The following TGFBR3 variants were observed in gnomAD, a reference collection of about 807,000 sequenced individuals.
The protein encoded by TGFBR3 is transforming growth factor beta receptor type 3.
TGFBR3 carries 46 observed loss-of-function variants against 87.9 expected under a neutral mutation model. The ratio of observed to expected loss-of-function variants is 0.52; its 90% CI spans 0.41 to 0.67. The LOEUF (loss-of-function observed/expected upper bound fraction) is 0.67, where lower values mean the gene tolerates loss of function less well. Among genes scored for constraint, TGFBR3 ranks in the 30% least tolerant of loss-of-function variants. The pLI is 0.00. For synonymous variants in TGFBR3, 381 were observed against 391.6 expected (o/e 0.97, Z 0.32); for missense variants, 866 against 1,041.9 (o/e 0.83, Z 2.32).
At chr1:91,847,852 G>A (rs753866896) in intron 2 of TGFBR3, among the ~76,000 whole-genome samples, 2 of 152,038 alleles carry the variant, frequency 1.3e-5, no homozygotes, top group African/African-American at 2.4e-5. Context: ...GACCCAACAC[G>A]AATCTCCTAC....
At chr1:91,820,159 T>C (rs543216391) in intron 2 of TGFBR3, among the ~76,000 whole-genome samples, 1 of 152,300 alleles carries the variant, frequency 6.6e-6, no homozygotes, top group Admixed American at 6.5e-5. Flanking sequence ...TAAAGACCAG[T>C]AGAAATATTT....
intron 2 of TGFBR3, among the ~76,000 whole-genome samples, chr1:91,807,650 A>G (rs1194804534): frequency 1.3e-5 from 2 of 152,220 alleles, no homozygotes; most frequent in African/African-American, 4.8e-5. Flanking sequence ...ACAAGATACC[A>G]CTATACAATC....
chr1:91,790,440 G>A (rs572120538), intron 3 of TGFBR3, among the ~76,000 whole-genome samples: 4 of 152,280 alleles, frequency 2.6e-5, no homozygotes, highest in South Asian at 2.1e-4. Context: ...TTCTCTGAAT[G>A]TGTCTCTGTC....
chr1:91,719,976 C>T lies in TGFBR3; in HGVS notation c.1330G>A (p.Val444Met), dbSNP rs770291536. Reference protein sequence around the residue: ...LFPGLREPEEVQGSVDIALSV... With the variant: ...LFPGLREPEEMQGSVDIALSV... ...AGGGCAATATCCACGCTCCCTTGCACCTCTTCTGGCTCTCTGAGACCAGGA... is the reference window on the plus strand; with the variant it reads ...AGGGCAATATCCACGCTCCCTTGCATCTCTTCTGGCTCTCTGAGACCAGGA... The change falls in exon 9 of 17, where the codon GTG (valine) becomes ATG (methionine). Residue 444 changes from valine (V) to methionine (M), a missense_variant. Val to Met is a conservative substitution (Grantham distance 21, BLOSUM62 1). Transcript: ENST00000212355. The T allele has an allele frequency of 1.6e-5, 26 of 1,614,086 alleles. No homozygotes were observed. Among genetic ancestry groups the T allele is most frequent in the Non-Finnish European group, 2.0e-5 (24 of 1,180,042 alleles).
At chr1:91,764,639 C>T (rs1056030119) in intron 3 of TGFBR3, among the ~76,000 whole-genome samples, 2 of 152,118 alleles carry the variant, frequency 1.3e-5, no homozygotes, top group East Asian at 1.9e-4. Context: ...GGTGGAGGAA[C>T]GCTGCTAGTG....
At chr1:91,893,509 C>G (rs1206074091) in intron 2 of TGFBR3, among the ~76,000 whole-genome samples, 1 of 152,178 alleles carries the variant, frequency 6.6e-6, no homozygotes, top group Non-Finnish European at 1.5e-5. Context: ...TCTTGAACTC[C>G]TGACCTCAAG....
At chr1:91,703,936 A>G (rs1163752983) in intron 14 of TGFBR3, among the ~76,000 whole-genome samples, 1 of 152,202 alleles carries the variant, frequency 6.6e-6, no homozygotes, top group Non-Finnish European at 1.5e-5. Context: ...CCTTTGGGTG[A>G]ACAGACATTT....
intron 1 of TGFBR3, among the ~76,000 whole-genome samples, chr1:91,863,058 T>A (rs548458916): frequency 6.6e-6 from 1 of 152,332 alleles, no homozygotes; most frequent in East Asian, 1.9e-4. Flanking sequence ...ATTGTAACTT[T>A]ACCTATGAGA....
intron 3 of TGFBR3, among the ~76,000 whole-genome samples, chr1:91,778,101 C>T (rs772090409): frequency 2.8e-4 from 42 of 151,620 alleles, no homozygotes; most frequent in Non-Finnish European, 5.4e-4. Flanking sequence ...AAAGCATTTT[C>T]CCAAGTATTC....
chr1:91,721,031 A>C (rs910777454), intron 8 of TGFBR3, among the ~76,000 whole-genome samples: 1 of 152,258 alleles, frequency 6.6e-6, no homozygotes, highest in Non-Finnish European at 1.5e-5. Context: ...AACTAAAAAA[A>C]TAATAATTTC....
At chr1:91,817,800 C>T (rs1317007568) in intron 2 of TGFBR3, among the ~76,000 whole-genome samples, 1 of 150,820 alleles carries the variant, frequency 6.6e-6, no homozygotes, top group Non-Finnish European at 1.5e-5. Context: ...TGACTTGGTG[C>T]GCTATGAGGC....
chr1:91,755,768 C>T (rs1362667035), intron 4 of TGFBR3, among the ~76,000 whole-genome samples: 3 of 152,160 alleles, frequency 2.0e-5, no homozygotes, highest in Non-Finnish European at 2.9e-5. Flanking sequence ...AACTGGCAGA[C>T]TGAAGAAAGA....
chr1:91,890,974 T>G (rs1052530723), upstream of TGFBR3, among the ~76,000 whole-genome samples: 1 of 151,888 alleles, frequency 6.6e-6, no homozygotes, highest in African/African-American at 2.4e-5. Flanking sequence ...CTTGGTTCAC[T>G]GCAACCTCTG....
At chr1:91,761,320 A>G (rs1198322633) in intron 3 of TGFBR3, among the ~76,000 whole-genome samples, 2 of 152,220 alleles carry the variant, frequency 1.3e-5, no homozygotes, top group Non-Finnish European at 2.9e-5. Flanking sequence ...CCTGGCTCAT[A>G]CAATCAAGGG....
intron 2 of TGFBR3, among the ~76,000 whole-genome samples, chr1:91,849,086 A>G (rs1169308792): frequency 6.6e-6 from 1 of 152,186 alleles, no homozygotes; most frequent in Non-Finnish European, 1.5e-5. Flanking sequence ...TCCTAAGCAT[A>G]TGACTCCCAA....
chr1:91,835,430 G>A (rs1334397597), intron 2 of TGFBR3, among the ~76,000 whole-genome samples: 1 of 152,194 alleles, frequency 6.6e-6, no homozygotes, highest in Non-Finnish European at 1.5e-5. Context: ...AAGAGTCAGG[G>A]ATGTTTTAAA....
At chr1:91,869,510 C>T (rs1678505808) in intron 1 of TGFBR3, among the ~76,000 whole-genome samples, 1 of 152,092 alleles carries the variant, frequency 6.6e-6, no homozygotes, top group Non-Finnish European at 1.5e-5. Context: ...ACAAGAAATA[C>T]AGAATTAGCC....
intron 2 of TGFBR3, among the ~76,000 whole-genome samples, chr1:91,858,842 G>A (rs974961489): frequency 6.6e-6 from 1 of 151,866 alleles, no homozygotes; most frequent in Admixed American, 6.6e-5. Context: ...GATCACTTGA[G>A]GTCAGGAGTT....
Position 91,765,708 on chromosome 1 carries a change from G to A in TGFBR3, c.247-6958C>T, listed in dbSNP as rs114066736. Among the ~76,000 whole-genome samples the A allele has an allele frequency of 3.9e-5, 6 of 152,300 alleles. No individual in the cohort carries two copies. In the East Asian group the frequency reaches 9.7e-4, roughly 25 times the overall value. ...ATAAAATGTAAAAAACCTTTGGAGC[G>A]TGTTTTCTTCCTTAGGGATAGATAA... On this transcript the variant is annotated intron_variant, in intron 3 of 16. Coordinates refer to ENST00000212355, the MANE Select transcript of TGFBR3 (RefSeq NM_003243.5).
Sources: gnomAD v4.1 joint callset for allele counts (sites outside exome capture counted in the v4.1 genomes callset) on GRCh38, gnomAD v4.1.1 for gene constraint, MANE v1.5 for transcripts, NCBI Gene and HGNC (gene_info 2026-07-23, HGNC 2026-07-21) for gene names.